The following MCOLN3 variants were observed in gnomAD, a reference collection of about 807,000 sequenced individuals.
MCOLN3 encodes the protein mucolipin-3.
In MCOLN3, 62 loss-of-function variants were observed where a neutral mutation model predicts 69.4. The ratio of observed to expected loss-of-function variants is 0.89; its 90% CI spans 0.73 to 1.10. MCOLN3 has a LOEUF of 1.10. Among genes scored for constraint, MCOLN3 ranks in the 50% least tolerant of loss-of-function variants. The pLI is 0.00. For synonymous variants in MCOLN3, 183 were observed against 217.0 expected (o/e 0.84, Z 1.38); for missense variants, 564 against 656.4 (o/e 0.86, Z 1.54).
intron 3 of MCOLN3, among the ~76,000 whole-genome samples, chr1:85,038,671 A>G (rs944085599): frequency 6.6e-6 from 1 of 152,178 alleles, no homozygotes; most frequent in African/African-American, 2.4e-5. Flanking sequence ...TTCACAGAAA[A>G]CAAAGATCCT....
Position 85,029,150 on chromosome 1 carries a change from T to C in MCOLN3, c.788A>G (p.Asp263Gly), listed in dbSNP as rs756523202. ...GTCTTTACATTCTCTGATGGAAATG[T>C]CATTATCTAAACTTATTTTAATTCT... ...SGRIKISLDN[D>G]ISIRECKDWH... Residue 263 changes from aspartate (D) to glycine (G), a missense_variant, in exon 7 of 13, where the codon GAC becomes GGC. Transcript: ENST00000370589. 2 of 1,607,278 alleles carry C rather than the reference T, an allele frequency of 1.2e-6. No homozygotes were observed. The highest frequency in any genetic ancestry group is 1.1e-5 in the South Asian group (1 of 90,932).
At chr1:85,029,969 T>TTGAA (rs1489062830) in intron 6 of MCOLN3, 1 of 152,282 alleles carries the variant, frequency 6.6e-6, no homozygotes, top group East Asian at 1.9e-4. Flanking sequence ...ATAAATTGTA[T>TTGAA]TGAAGCTTCT....
intron 3 of MCOLN3, among the ~76,000 whole-genome samples, chr1:85,039,194 T>C (rs988328899): frequency 2.0e-5 from 3 of 152,090 alleles, no homozygotes; most frequent in Non-Finnish European, 2.9e-5. Flanking sequence ...GTAAATCATC[T>C]TAGAAAACAG....
rs115330931 is a variant in MCOLN3, at chr1:85,029,409, C to T, written c.733-204G>A. ...CGATGAACTAGATCTTCTACAGAGACCCTGTAGTCTCTAAAACATTATATG... is the reference window on the plus strand; with the variant it reads ...CGATGAACTAGATCTTCTACAGAGATCCTGTAGTCTCTAAAACATTATATG... On this transcript the variant is annotated intron_variant, in intron 6 of 12. Coordinates refer to ENST00000370589, the MANE Select transcript of MCOLN3 (RefSeq NM_018298.11). The T allele has an allele frequency of 5.9e-3, 3,052 of 516,738 alleles. 10 individuals carry two copies. Among genetic ancestry groups the T allele is most frequent in the Middle Eastern group, 0.019 (36 of 1,934 alleles). The allele number at this position is 516,738 out of a possible 1,614,324, so 32.0% of individuals were successfully genotyped here.
chr1:85,019,728 G>A (rs973559662), intron 12 of MCOLN3, among the ~76,000 whole-genome samples: 6 of 152,348 alleles, frequency 3.9e-5, no homozygotes, highest in Non-Finnish European at 8.8e-5. Flanking sequence ...GCCTTGCCCA[G>A]AACACCTCAG....
At position 85,045,224 on chromosome 1, in the gene MCOLN3, A is replaced by G; in HGVS notation, c.137T>C (p.Phe46Ser). 4 of 1,613,802 alleles carry G rather than the reference A, an allele frequency of 2.5e-6. No individual in the cohort carries two copies. The highest frequency in any genetic ancestry group is 3.4e-6 in the Non-Finnish European group (4 of 1,179,882). The change falls in exon 2 of 13, where the codon TTC (phenylalanine) becomes TCC (serine). Residue 46 changes from phenylalanine (F) to serine (S), a missense_variant. By Grantham distance (155) the Phe-to-Ser change is radical. Coordinates refer to ENST00000370589, the MANE Select transcript of MCOLN3 (RefSeq NM_018298.11). The stretch of plus-strand genomic sequence containing the variant: ...CCAGAACTTCTCACAGGGATTCATG[A>G]AAAAAAATTTGAGTTTTCGCCTCAT... ...DQMRRKLKFF[F>S]MNPCEKFWAR...
chr1:85,048,146 C>A (rs1653476771), intron 1 of MCOLN3, among the ~76,000 whole-genome samples: 1 of 151,908 alleles, frequency 6.6e-6, no homozygotes. Context: ...CCCCCACCCG[C>A]CCAGCCCCGG....
chr1:85,048,192 G>A (rs915527291), intron 1 of MCOLN3, among the ~76,000 whole-genome samples: 3 of 151,896 alleles, frequency 2.0e-5, no homozygotes, highest in African/African-American at 7.2e-5. Context: ...ACTGACCTGC[G>A]GGCGGCTTGG....
intron 9 of MCOLN3, 60 bp from the exon 10 acceptor site, chr1:85,022,460 T>C (rs776199627): frequency 8.0e-7 from 1 of 1,247,010 alleles, no homozygotes; most frequent in Admixed American, 1.9e-5. Context: ...TGGCAATAAA[T>C]ATTGAGGTAA....
chr1:85,040,902 G>C, intron 3 of MCOLN3, 108 bp downstream of exon 3: 17 of 1,042,620 alleles, frequency 1.6e-5, no homozygotes, highest in Non-Finnish European at 2.3e-5. Flanking sequence ...TTTCCAAGCA[G>C]AAATGTTCAC....
chr1:85,019,186 G>A lies in MCOLN3; in HGVS notation c.1599C>T (p.Asn533=), dbSNP rs1651802243. The part of the protein sequence containing the change: ...TFISECKDLP[N]SGKYRLEDDP... ...CATCTTCTAATCTGTATTTTCCAGA[G>A]TTGGGTAGATCTTTGCATTCTGATA... The change falls in exon 13 of 13, where the codon AAC becomes AAT. Residue 533 remains asparagine, a synonymous_variant. Coordinates refer to ENST00000370589, the MANE Select transcript of MCOLN3 (RefSeq NM_018298.11). 1 of 1,613,494 alleles carries A rather than the reference G, an allele frequency of 6.2e-7. No individual in the cohort carries two copies. The highest frequency in any genetic ancestry group is 8.5e-7 in the Non-Finnish European group (1 of 1,179,456).
chr1:85,021,225 C>T lies in MCOLN3; in HGVS notation c.1372G>A (p.Asp458Asn). The T allele has an allele frequency of 6.2e-7, 1 of 1,613,850 alleles. No homozygotes were observed. Among genetic ancestry groups the T allele is most frequent in the African/African-American group, 1.3e-5 (1 of 75,010 alleles). Residue 458 changes from aspartate to asparagine, a missense_variant, in exon 12 of 13, where the codon GAT (aspartate) becomes AAT (asparagine). Asp to Asn is a conservative substitution (Grantham distance 23). Coordinates refer to ENST00000370589, the MANE Select transcript of MCOLN3 (RefSeq NM_018298.11). ...TTTGCAAACGTGGCAAACATATCATCTCCATTTATCAGAGAGAAAAGGCAC... is the reference window on the plus strand; with the variant it reads ...TTTGCAAACGTGGCAAACATATCATTTCCATTTATCAGAGAGAAAAGGCAC... ...SECLFSLING[D>N]DMFATFAKMQ...
chr1:85,019,703 G>A (rs1651828747), intron 12 of MCOLN3, among the ~76,000 whole-genome samples: 1 of 152,204 alleles, frequency 6.6e-6, no homozygotes, highest in Non-Finnish European at 1.5e-5. Context: ...GTAGGCCAAG[G>A]GATGGAAATC....
At chr1:85,041,503 AGTT>A (rs1418608590) in intron 2 of MCOLN3, among the ~76,000 whole-genome samples, 1 of 152,204 alleles carries the variant, frequency 6.6e-6, no homozygotes, top group African/African-American at 2.4e-5. Context: ...CGTGAAACTC[AGTT>A]GTTGACACAC....
At chr1:85,025,853 T>C (rs1384760169) in intron 9 of MCOLN3, 86 bp downstream of exon 9, 1 of 1,292,198 alleles carries the variant, frequency 7.7e-7, no homozygotes, top group Admixed American at 2.6e-5. Context: ...AAACAATTCA[T>C]TCTGAAAATT....
In MCOLN3 at chr1:85,041,135, T is replaced by C. The variant is rs1489281373; in HGVS notation, c.271A>G (p.Lys91Glu). The part of the protein sequence containing the change: ...GLSNQMVVAF[K>E]EENTIAFKHL... ...TTGAATGCTATAGTATTCTCTTCCT[T>C]GAAAGCTACCACCATCTGGTTACTT... Residue 91 changes from lysine (K) to glutamate (E), a missense_variant, in exon 3 of 13, where the codon AAG (lysine) becomes GAG (glutamate). Coordinates refer to ENST00000370589, the MANE Select transcript of MCOLN3 (RefSeq NM_018298.11). 4.3e-6 allele frequency: 7 copies of C among 1,613,856 alleles called. No individual in the cohort carries two copies. Among genetic ancestry groups the C allele is most frequent in the Non-Finnish European group, 5.9e-6 (7 of 1,179,978 alleles).
intron 6 of MCOLN3, chr1:85,029,616 T>C (rs547694709): frequency 6.4e-6 from 1 of 155,078 alleles, no homozygotes; most frequent in East Asian, 1.9e-4. Context: ...TAATTCTTAC[T>C]AATACAAAGG....
intron 2 of MCOLN3, among the ~76,000 whole-genome samples, chr1:85,043,597 C>G (rs1380583385): frequency 6.6e-6 from 1 of 151,896 alleles, no homozygotes; most frequent in Non-Finnish European, 1.5e-5. Context: ...AGCAAACACT[C>G]AAGTGGTACC....
chr1:85,038,233 A>G (rs1652892896), intron 3 of MCOLN3, among the ~76,000 whole-genome samples: 1 of 152,120 alleles, frequency 6.6e-6, no homozygotes. Context: ...CAGTGTGGGC[A>G]ACTGCTTAGG....
Sources: allele counts gnomAD v4.1 joint callset (sites outside exome capture counted in the v4.1 genomes callset), GRCh38; gene constraint gnomAD v4.1.1; transcripts MANE v1.5; gene names NCBI Gene and HGNC (gene_info 2026-07-23, HGNC 2026-07-21).